DAB1: variants seen among roughly 807,000 people sequenced by gnomAD.
DAB1 encodes DAB adaptor protein 1, also known as disabled homolog 1.
DAB1 carries 15 observed loss-of-function variants against 64.6 expected under a neutral mutation model. That is an observed-to-expected ratio of 0.23 (90% confidence interval 0.16 to 0.36). DAB1 has a LOEUF of 0.36. DAB1 is among the 10% of genes least tolerant of loss of function. DAB1 has a pLI of 1.00. For synonymous variants in DAB1, 235 were observed against 251.9 expected, an observed-to-expected ratio of 0.93 and a Z score of 0.64; for missense variants, 596 against 706.7, an observed-to-expected ratio of 0.84 and a Z score of 1.78.
intron 6 of DAB1, among the ~76,000 whole-genome samples, chr1:57,798,223 A>T (rs1252305558): frequency 6.6e-6 from 1 of 152,182 alleles, no homozygotes; most frequent in Non-Finnish European, 1.5e-5. Flanking sequence ...GTGGAAGGCC[A>T]ATGATGTAAG....
chr1:57,374,523 A>G (rs1251029871), intron 1 of DAB1, among the ~76,000 whole-genome samples: 11 of 152,210 alleles, frequency 7.2e-5, no homozygotes, highest in Admixed American at 7.2e-4. Flanking sequence ...CCCTTTTCCA[A>G]TTATGCTCAA....
chr1:57,809,434 G>A (rs1325907789), intron 6 of DAB1, among the ~76,000 whole-genome samples: 1 of 152,140 alleles, frequency 6.6e-6, no homozygotes, highest in Non-Finnish European at 1.5e-5. Context: ...ACTGAAAGAA[G>A]TAAAATAAAT....
At chr1:57,585,310 C>T (rs1206681152) in intron 7 of DAB1, among the ~76,000 whole-genome samples, 1 of 138,492 alleles carries the variant, frequency 7.2e-6, no homozygotes, top group Non-Finnish European at 1.5e-5. Flanking sequence ...GTAAGAGAAA[C>T]CTTTAAACCA....
intron 7 of DAB1, among the ~76,000 whole-genome samples, chr1:57,443,674 G>A (rs575004011): frequency 2.0e-5 from 3 of 152,064 alleles, no homozygotes; most frequent in South Asian, 2.1e-4. Flanking sequence ...AGACTAGAAC[G>A]CATCCTTGAA....
At chr1:57,903,672 G>C (rs1225207663) in intron 5 of DAB1, among the ~76,000 whole-genome samples, 1 of 152,138 alleles carries the variant, frequency 6.6e-6, no homozygotes, top group Non-Finnish European at 1.5e-5. Flanking sequence ...CACACCAGAG[G>C]CTAAGCAACT....
chr1:57,935,015 A>G (rs967182889), intron 5 of DAB1, among the ~76,000 whole-genome samples: 1 of 152,198 alleles, frequency 6.6e-6, no homozygotes, highest in Non-Finnish European at 1.5e-5. Context: ...TCTAAGACTC[A>G]GTCTCTTGTT....
chr1:57,889,340 C>T (rs993283349), intron 5 of DAB1, among the ~76,000 whole-genome samples: 2 of 152,218 alleles, frequency 1.3e-5, no homozygotes, highest in Admixed American at 6.5e-5. Context: ...AAATATCCAG[C>T]GTGCCATAGG....
chr1:57,545,078 T>A (rs567104836), intron 7 of DAB1, among the ~76,000 whole-genome samples: 14 of 152,292 alleles, frequency 9.2e-5, no homozygotes, highest in Admixed American at 3.3e-4. Flanking sequence ...CCTGGCTACC[T>A]CTCTGATCCC....
chr1:57,898,301 C>A (rs1318488968), intron 5 of DAB1, among the ~76,000 whole-genome samples: 2 of 152,144 alleles, frequency 1.3e-5, no homozygotes, highest in African/African-American at 4.8e-5. Context: ...TTTGAGTCTA[C>A]TACTACCAAT....
chr1:57,619,578 A>AT (rs1172682138), intron 7 of DAB1, among the ~76,000 whole-genome samples: 19 of 151,838 alleles, frequency 1.3e-4, no homozygotes, highest in Admixed American at 1.2e-3. Flanking sequence ...TTTTTAAACT[A>AT]TTTTTGTAGA....
intron 7 of DAB1, among the ~76,000 whole-genome samples, chr1:57,493,624 T>C (rs1644192831): frequency 1.3e-5 from 2 of 152,200 alleles, no homozygotes; most frequent in African/African-American, 4.8e-5. Context: ...GTGTATTATA[T>C]ATTTCTGTCT....
intron 2 of DAB1, among the ~76,000 whole-genome samples, chr1:57,264,650 C>A (rs932116641): frequency 1.3e-5 from 2 of 152,150 alleles, no homozygotes; most frequent in Admixed American, 6.5e-5. Flanking sequence ...AGAATGAGGA[C>A]CCCTGAACAT....
chr1:57,723,535 A>G (rs900111842), intron 6 of DAB1, among the ~76,000 whole-genome samples: 6 of 152,234 alleles, frequency 3.9e-5, no homozygotes, highest in African/African-American at 1.4e-4. Context: ...CTCTCAGGCT[A>G]GCTTGGCTAG....
intron 7 of DAB1, among the ~76,000 whole-genome samples, chr1:57,587,415 G>A (rs1440364113): frequency 6.6e-6 from 1 of 152,180 alleles, no homozygotes; most frequent in Non-Finnish European, 1.5e-5. Context: ...GACACAGATT[G>A]CTGTGGGATT....
chr1:57,280,481 AAG>A (rs1398993333), intron 2 of DAB1, among the ~76,000 whole-genome samples: 1 of 152,194 alleles, frequency 6.6e-6, no homozygotes, highest in Non-Finnish European at 1.5e-5. Flanking sequence ...TGCAAAGACA[AAG>A]ACTCTCCAGC....
chr1:58,279,911 A>G (rs899415440), intron 4 of DAB1, among the ~76,000 whole-genome samples: 2 of 152,044 alleles, frequency 1.3e-5, no homozygotes, highest in Non-Finnish European at 2.9e-5. Context: ...GGCTCCATTG[A>G]GCTCTCATAG....
At chr1:58,318,191 C>A (rs1400100263) in intron 4 of DAB1, among the ~76,000 whole-genome samples, 1 of 152,216 alleles carries the variant, frequency 6.6e-6, no homozygotes, top group African/African-American at 2.4e-5. Flanking sequence ...CTCCTCACTT[C>A]TCACCTCATG....
intron 5 of DAB1, among the ~76,000 whole-genome samples, chr1:58,023,333 G>A (rs1291184799): frequency 1.3e-5 from 2 of 152,034 alleles, no homozygotes; most frequent in Non-Finnish European, 2.9e-5. Context: ...AATGCATTAT[G>A]TCTGGTTGTA....
chr1:57,383,198 G>A lies in DAB1; in HGVS notation c.-137+40732C>T, dbSNP rs943495310. On this transcript the variant is annotated intron_variant, in intron 1 of 14. Coordinates refer to ENST00000371236, the MANE Select transcript of DAB1 (RefSeq NM_001365792.1). The stretch of plus-strand genomic sequence containing the variant: ...GATTAGGAAAGAGCTGAAGTCATTC[G>A]GAAATGACAAGTTCATTAATTTTTT... Among the ~76,000 whole-genome samples, 14 of 152,186 alleles carry A rather than the reference G, an allele frequency of 9.2e-5. 1 individual carries two copies. Among genetic ancestry groups the A allele is most frequent in the African/African-American group, 2.9e-4 (12 of 41,526 alleles).
Sources: gnomAD v4.1 joint callset for allele counts (sites outside exome capture counted in the v4.1 genomes callset) on GRCh38, gnomAD v4.1.1 for gene constraint, MANE v1.5 for transcripts, NCBI Gene and HGNC (gene_info 2026-07-23, HGNC 2026-07-21) for gene names.